Variants in SVIL observed in about 807,000 individuals in gnomAD.
SVIL encodes supervillin.
A neutral mutation model predicts 240.4 loss-of-function variants in SVIL; 101 were observed. The ratio of observed to expected loss-of-function variants is 0.42; its 90% CI spans 0.36 to 0.50. SVIL has a LOEUF of 0.50. SVIL is among the 20% of genes least tolerant of loss of function. The pLI is 0.01. For missense variants in SVIL, 2,512 were observed against 2,818.7 expected, an observed-to-expected ratio of 0.89 and a Z score of 2.46; for synonymous variants, 999 against 1,100.0, an observed-to-expected ratio of 0.91 and a Z score of 1.82.
At chr10:29,508,482 G>A (rs1949541363) in intron 17 of SVIL, 1 of 1,069,802 alleles carries the variant, frequency 9.3e-7, no homozygotes, top group African/African-American at 1.7e-5. Flanking sequence ...TTTCATGCCT[G>A]GGTTCAAACA....
rs1343381514 is a variant in SVIL at position 29,529,849 on chromosome 10, G to A, written c.2107-5C>T. On this transcript the variant is annotated splice_region_variant and splice_polypyrimidine_tract_variant and intron_variant, in intron 11 of 37. Transcript: ENST00000355867. Reference sequence around the variant, plus strand: ...ATCAAAAGATTTTTCCATCTCCTAAGATTAGAAGTATTGTGGAACCCTTAT... The same window carrying A: ...ATCAAAAGATTTTTCCATCTCCTAAAATTAGAAGTATTGTGGAACCCTTAT... 6.2e-7 allele frequency: 1 copy of A among 1,606,314 alleles called. No homozygotes were observed. Among genetic ancestry groups the A allele is most frequent in the Non-Finnish European group, 8.5e-7 (1 of 1,177,008 alleles).
intron 20 of SVIL, among the ~76,000 whole-genome samples, chr10:29,493,723 C>G (rs1948179779): frequency 6.6e-6 from 1 of 152,154 alleles, no homozygotes; most frequent in Non-Finnish European, 1.5e-5. Flanking sequence ...GGTTGGCAAA[C>G]TTTTTCCAAA....
intron 1 of SVIL, among the ~76,000 whole-genome samples, chr10:29,711,415 C>T (rs1406738024): frequency 7.0e-6 from 1 of 143,180 alleles, no homozygotes; most frequent in Non-Finnish European, 1.5e-5. Flanking sequence ...ATAAATAAAC[C>T]TCAAGGGAAA....
chr10:29,622,900 AG>A (rs1957718900), intron 1 of SVIL, among the ~76,000 whole-genome samples: 1 of 152,216 alleles, frequency 6.6e-6, no homozygotes, highest in African/African-American at 2.4e-5. Context: ...AAGCGTTATT[AG>A]TGATGCTGAG....
In SVIL at chr10:29,532,707, G is replaced by A; in HGVS notation, c.1660C>T (p.Pro554Ser). Residue 554 changes from proline (P) to serine (S), a missense_variant, in exon 8 of 38, where the codon CCC becomes TCC. By Grantham distance (74) the Pro-to-Ser change is moderately conservative (BLOSUM62 -1). Transcript: ENST00000355867. ...RTRSLSDFTGPPQLQALKYKD... is the reference protein window; with the variant it reads ...RTRSLSDFTGSPQLQALKYKD... The stretch of plus-strand genomic sequence containing the variant: ...TACTTCAAGGCCTGGAGCTGAGGGG[G>A]GCCTGTGAAATCTGACAGAGAGCGG... The A allele has an allele frequency of 6.2e-7, 1 of 1,614,190 alleles. No homozygotes were observed. The highest frequency in any genetic ancestry group is 8.5e-7 in the Non-Finnish European group (1 of 1,180,030).
At chr10:29,562,760 C>CA (rs1954607632) in intron 3 of SVIL, among the ~76,000 whole-genome samples, 12 of 61,472 alleles carry the variant, frequency 2.0e-4, no homozygotes, top group Admixed American at 2.4e-4. Flanking sequence ...GACTCCGTCT[C>CA]AAAAAAAAGA....
At chr10:29,718,067 C>A (rs1963737184) in intron 1 of SVIL, among the ~76,000 whole-genome samples, 2 of 152,102 alleles carry the variant, frequency 1.3e-5, no homozygotes, top group Non-Finnish European at 2.9e-5. Context: ...GTGGCTCACA[C>A]CTGTAATCCC....
chr10:29,482,521 C>T (rs965743932), intron 27 of SVIL, among the ~76,000 whole-genome samples: 6 of 152,198 alleles, frequency 3.9e-5, no homozygotes, highest in Non-Finnish European at 8.8e-5. Context: ...TATTTTATGT[C>T]ATGTTACAAC....
At chr10:29,475,269 G>T (rs1946069484) in intron 29 of SVIL, 2 of 152,158 alleles carry the variant, frequency 1.3e-5, no homozygotes, top group Admixed American at 1.3e-4. Flanking sequence ...GGCCTCAAGT[G>T]ATCCTCCCAC....
intron 1 of SVIL, among the ~76,000 whole-genome samples, chr10:29,728,734 C>T (rs192496169): frequency 1.1e-4 from 16 of 152,148 alleles, no homozygotes; most frequent in South Asian, 6.2e-4. Flanking sequence ...AGGAGCTGAA[C>T]GGGCAGCTGA....
At chr10:29,711,347 G>T (rs1963263746) in intron 1 of SVIL, among the ~76,000 whole-genome samples, 2 of 152,190 alleles carry the variant, frequency 1.3e-5, no homozygotes, top group Non-Finnish European at 2.9e-5. Context: ...TTGTACTGTG[G>T]TGAGATCGTG....
chr10:29,621,974 G>A (rs988550104), intron 1 of SVIL, among the ~76,000 whole-genome samples: 3 of 152,030 alleles, frequency 2.0e-5, no homozygotes, highest in African/African-American at 7.2e-5. Flanking sequence ...ACACTGGCCG[G>A]GCGCGGTGGC....
At chr10:29,680,472 G>A (rs1672306700) in intron 2 of SVIL, among the ~76,000 whole-genome samples, 1 of 152,224 alleles carries the variant, frequency 6.6e-6, no homozygotes, top group African/African-American at 2.4e-5. Context: ...CATGGCGCAT[G>A]GGCAGGGGGC....
At chr10:29,511,121 G>C (rs1451305510) in intron 17 of SVIL, among the ~76,000 whole-genome samples, 1 of 131,310 alleles carries the variant, frequency 7.6e-6, no homozygotes, top group Non-Finnish European at 1.6e-5. Flanking sequence ...GCAAGTCCCG[G>C]GGCTTCAGGT....
chr10:29,484,644 C>G lies in SVIL; in HGVS notation c.4955+12G>C. The stretch of plus-strand genomic sequence containing the variant: ...CGCTTGAAGAGCTGTCCCCGGGCGG[C>G]GGCAGGAGTACCTGGGGATAAGCGG... On this transcript the variant is annotated intron_variant, in intron 27 of 37. Coordinates refer to ENST00000355867, the MANE Select transcript of SVIL (RefSeq NM_021738.3). This position sits in a 1 kb window ranked among gnomAD's most constrained non-coding sequence, Gnocchi z 4.7. The G allele has an allele frequency of 6.2e-7, 1 of 1,605,456 alleles. No homozygotes were observed. Among genetic ancestry groups the G allele is most frequent in the Non-Finnish European group, 8.5e-7 (1 of 1,175,384 alleles).
chr10:29,644,754 G>A (rs895896861), intron 3 of SVIL, among the ~76,000 whole-genome samples: 4 of 152,200 alleles, frequency 2.6e-5, no homozygotes, highest in African/African-American at 9.6e-5. Context: ...GGCTCCAACT[G>A]TGGATCCTGG....
chr10:29,462,774 C>T (rs117508535), intron 35 of SVIL, among the ~76,000 whole-genome samples: 2,084 of 152,206 alleles, frequency 0.014, 30 homozygotes, highest in Non-Finnish European at 0.021. Context: ...TAATGACTGA[C>T]GGCGAACGAC....
chr10:29,637,318 C>T (rs1473412667), upstream of SVIL, among the ~76,000 whole-genome samples: 1 of 152,016 alleles, frequency 6.6e-6, no homozygotes, highest in East Asian at 1.9e-4. Context: ...AACACTGTCT[C>T]TATCAAAAAT....
rs1389712360 is a variant in SVIL at position 29,481,125 on chromosome 10, G to C, written c.5101-312C>G. On this transcript the variant is annotated intron_variant, in intron 28 of 37. Transcript: ENST00000355867. ...TAGTGAATCCTGGGAAGGCTTCCTA[G>C]CTTTAAGGGTGTGTGTGTGTGTGTG... 2.3e-5 allele frequency among the ~76,000 whole-genome samples: 3 copies of C among 128,756 alleles called. No individual in the cohort carries two copies. The East Asian group carries it at 6.9e-4, about 30-fold the overall frequency. 84.5% of individuals were successfully genotyped at this position (128,756 alleles called of 152,430 possible). A position where few individuals can be genotyped will look rare whatever the true frequency, so the allele number is the denominator to read the frequency against.
Sources: allele counts gnomAD v4.1 joint callset (sites outside exome capture counted in the v4.1 genomes callset), GRCh38; gene constraint gnomAD v4.1.1; non-coding constraint Gnocchi (gnomAD v3.1); transcripts MANE v1.5; gene names NCBI Gene and HGNC (gene_info 2026-07-23, HGNC 2026-07-21).